The following TEX9 variants were observed in gnomAD, a reference collection of about 807,000 sequenced individuals.
The protein encoded by TEX9 is testis expressed 9.
A neutral mutation model predicts 59.6 loss-of-function variants in TEX9; 74 were observed. The observed-to-expected ratio is 1.24, with a 90% CI of 1.03 to 1.51. The LOEUF (loss-of-function observed/expected upper bound fraction) is 1.51. Among genes scored for constraint, TEX9 ranks in the 40% most tolerant of loss-of-function variants. The probability of loss-of-function intolerance (pLI) is 0.00; values close to 1 mark genes in which losing one functional copy is unlikely to be tolerated. For synonymous variants in TEX9, 186 were observed against 152.2 expected, an observed-to-expected ratio of 1.22 and a Z score of -1.64; for missense variants, 522 against 447.8, an observed-to-expected ratio of 1.17 and a Z score of -1.49.
chr15:56,437,202 T>G (rs1354480032), intron 12 of TEX9, among the ~76,000 whole-genome samples: 1 of 152,142 alleles, frequency 6.6e-6, no homozygotes, highest in African/African-American at 2.4e-5. Flanking sequence ...TGAACATTGA[T>G]GCAAAACTCC....
chr15:56,262,590 G>C (rs1274444981), intron 1 of TEX9, among the ~76,000 whole-genome samples: 3 of 152,160 alleles, frequency 2.0e-5, no homozygotes, highest in African/African-American at 7.2e-5. Context: ...GTTAGGTGTA[G>C]TGTCATATCG....
intron 1 of TEX9, among the ~76,000 whole-genome samples, chr15:56,331,328 T>C (rs922223496): frequency 4.6e-5 from 7 of 152,180 alleles, no homozygotes; most frequent in Non-Finnish European, 4.4e-5. Flanking sequence ...ACAGAACATT[T>C]CATCCAAGGG....
Position 56,388,542 on chromosome 15 carries a change from G to A in TEX9, c.312+22G>A, listed in dbSNP as rs944334218. 1.9e-6 allele frequency: 3 copies of A among 1,598,476 alleles called. No homozygotes were observed. In the African/African-American group the frequency reaches 4.0e-5, roughly 21 times the overall value. Reference sequence around the variant, plus strand: ...TAAGGTATGAAATCAAACTTTCTGTGAATGCAATTATATTCTGTAGAACTC... The same window carrying A: ...TAAGGTATGAAATCAAACTTTCTGTAAATGCAATTATATTCTGTAGAACTC... On this transcript the variant is annotated intron_variant, in intron 5 of 12. Coordinates refer to ENST00000352903, the Ensembl canonical transcript of TEX9.
At chr15:56,453,044 T>A in the TEX9 span, among the ~76,000 whole-genome samples, 1 of 152,224 alleles carries the variant, frequency 6.6e-6, no homozygotes, top group African/African-American at 2.4e-5. Context: ...TCAGTTATAT[T>A]TTCTTTTCCA....
chr15:56,414,588 G>C (rs770425008), intron 10 of TEX9, among the ~76,000 whole-genome samples: 9 of 151,666 alleles, frequency 5.9e-5, no homozygotes, highest in Non-Finnish European at 1.0e-4. Context: ...CTTTTTTATG[G>C]CTACATAGTA....
At chr15:56,460,009 A>AAAAAAAAACAT in the TEX9 span, among the ~76,000 whole-genome samples, 1 of 26,406 alleles carries the variant, frequency 3.8e-5, no homozygotes, top group African/African-American at 1.5e-4. Flanking sequence ...AAAAAAAAAA[A>AAAAAAAAACAT]ATACATATAT....
chr15:56,365,626 C>T (rs2046905537), exon 2 of TEX9: 2 of 1,614,050 alleles, frequency 1.2e-6, no homozygotes, highest in Admixed American at 3.3e-5. Flanking sequence ...TTCAGCAACC[C>T]TCTACACCTG....
At chr15:56,318,542 G>C (rs544198795) in intron 1 of TEX9, among the ~76,000 whole-genome samples, 57 of 152,104 alleles carry the variant, frequency 3.7e-4, no homozygotes, top group Non-Finnish European at 7.2e-4. Flanking sequence ...GATGAGGTAA[G>C]ATTTATGTCT....
intron 1 of TEX9, among the ~76,000 whole-genome samples, chr15:56,265,336 T>C (rs2044356108): frequency 6.6e-6 from 1 of 151,728 alleles, no homozygotes; most frequent in Non-Finnish European, 1.5e-5. Context: ...CCAGCTTTTT[T>C]TTTATTTTTT....
chr15:56,324,777 G>A (rs2045986325), intron 1 of TEX9, among the ~76,000 whole-genome samples: 1 of 152,206 alleles, frequency 6.6e-6, no homozygotes, highest in Non-Finnish European at 1.5e-5. Flanking sequence ...CATCTGCCTT[G>A]AGTGACTCTT....
intron 1 of TEX9, among the ~76,000 whole-genome samples, chr15:56,285,169 C>T (rs1567073296): frequency 1.3e-5 from 2 of 152,056 alleles, no homozygotes; most frequent in Admixed American, 6.6e-5. Context: ...CTAGAATTTT[C>T]GTTAGTGTGG....
chr15:56,246,102 CG>C (rs1281787186), intron 1 of TEX9, among the ~76,000 whole-genome samples: 1 of 152,116 alleles, frequency 6.6e-6, no homozygotes, highest in Admixed American at 6.5e-5. Context: ...AGTTCGCTAC[CG>C]GGTGTCACAC....
At chr15:56,266,132 C>T (rs921396141) in intron 1 of TEX9, among the ~76,000 whole-genome samples, 76 of 151,450 alleles carry the variant, frequency 5.0e-4, no homozygotes, top group Middle Eastern at 6.8e-3. Context: ...TGTAATTTCT[C>T]TCTTTTTTTT....
intron 1 of TEX9, among the ~76,000 whole-genome samples, chr15:56,297,617 G>A (rs2141541560): frequency 6.6e-6 from 1 of 152,282 alleles, no homozygotes; most frequent in East Asian, 1.9e-4. Context: ...CGATTCTCCT[G>A]CCTCAGCCTC....
intron 12 of TEX9, chr15:56,429,178 C>G: frequency 1.3e-6 from 2 of 1,592,686 alleles, no homozygotes; most frequent in Non-Finnish European, 8.5e-7. Context: ...ATATCATCCT[C>G]TTTTTTAAAT....
At position 56,373,430 on chromosome 15, in the gene TEX9, T is replaced by C. The variant is rs772150151; in HGVS notation, c.120-11T>C. The C allele has an allele frequency of 1.3e-6, 2 of 1,590,300 alleles. No individual in the cohort carries two copies. The highest frequency in any genetic ancestry group is 3.7e-5 in the Admixed American group (2 of 54,394). On this transcript the variant is annotated splice_polypyrimidine_tract_variant and intron_variant, in intron 2 of 12. Transcript: ENST00000352903. ...GATCTTCAGTATATCCCAATTATTTTCTGCTTTTAGGCGTTTAAATGCAGA... is the reference window on the plus strand; with the variant it reads ...GATCTTCAGTATATCCCAATTATTTCCTGCTTTTAGGCGTTTAAATGCAGA...
chr15:56,275,958 T>A (rs1360418458), intron 1 of TEX9, among the ~76,000 whole-genome samples: 1 of 152,164 alleles, frequency 6.6e-6, no homozygotes, highest in Admixed American at 6.5e-5. Context: ...ACTTTACATA[T>A]GCCATTCTAT....
the TEX9 span, among the ~76,000 whole-genome samples, chr15:56,460,009 A>AAAAAAAAAAATATATATATAT: frequency 3.0e-4 from 8 of 26,386 alleles, 2 homozygotes; most frequent in East Asian, 1.1e-3. Context: ...AAAAAAAAAA[A>AAAAAAAAAAATATATATATAT]ATACATATAT....
intron 1 of TEX9, among the ~76,000 whole-genome samples, chr15:56,318,697 T>G (rs2045834128): frequency 6.6e-6 from 1 of 152,130 alleles, no homozygotes; most frequent in Non-Finnish European, 1.5e-5. Flanking sequence ...TTTTGAGAAA[T>G]ACTCAGTGGT....
Sources: allele counts gnomAD v4.1 joint callset (sites outside exome capture counted in the v4.1 genomes callset), GRCh38; gene constraint gnomAD v4.1.1; transcripts MANE v1.5; gene names NCBI Gene and HGNC (gene_info 2026-07-23, HGNC 2026-07-21).